The following NEK10 variants were observed in gnomAD, a reference collection of about 807,000 sequenced individuals.
NEK10 encodes the protein NIMA related kinase 10, also known as serine/threonine-protein kinase Nek10.
In NEK10, 122 loss-of-function variants were observed where a neutral mutation model predicts 159.8. That is an observed-to-expected ratio of 0.76 (90% confidence interval 0.66 to 0.89). The LOEUF (loss-of-function observed/expected upper bound fraction) is 0.89. NEK10 is among the 40% of genes least tolerant of loss of function. NEK10 has a pLI of 0.00. For missense variants in NEK10, 1,342 were observed against 1,323.1 expected, an observed-to-expected ratio of 1.01 and a Z score of -0.22; for synonymous variants, 466 against 457.1, an observed-to-expected ratio of 1.02 and a Z score of -0.25.
intron 5 of NEK10, among the ~76,000 whole-genome samples, chr3:27,328,552 C>T (rs2046177871): frequency 6.6e-6 from 1 of 152,098 alleles, no homozygotes; most frequent in Non-Finnish European, 1.5e-5. Context: ...GGGGCTGGAG[C>T]AGAGTGAGCA....
intron 35 of NEK10, 36 bp downstream of exon 35, chr3:27,115,904 C>A (rs752809641): frequency 6.7e-7 from 1 of 1,483,300 alleles, no homozygotes. Context: ...GACCTCAATT[C>A]ATCTTTCACA....
chr3:27,303,177 G>A (rs2043968604), intron 12 of NEK10, among the ~76,000 whole-genome samples: 2 of 152,160 alleles, frequency 1.3e-5, no homozygotes, highest in African/African-American at 4.8e-5. Flanking sequence ...CTGGGGAAAA[G>A]TTTGCTAACA....
intron 23 of NEK10, among the ~76,000 whole-genome samples, chr3:27,243,017 G>A (rs894075778): frequency 2.6e-5 from 4 of 152,056 alleles, no homozygotes; most frequent in African/African-American, 9.7e-5. Context: ...CAGTTTAACA[G>A]TTTATTGTCT....
intron 1 of NEK10, among the ~76,000 whole-genome samples, chr3:27,353,293 T>C (rs753553555): frequency 4.6e-5 from 7 of 152,178 alleles, no homozygotes; most frequent in African/African-American, 1.7e-4. Context: ...ATTAAGTGTG[T>C]TCTATGGGTT....
intron 30 of NEK10, among the ~76,000 whole-genome samples, chr3:27,148,994 T>C (rs376403051): frequency 2.0e-5 from 3 of 152,052 alleles, no homozygotes; most frequent in Non-Finnish European, 1.5e-5. Flanking sequence ...ACACAGTCGT[T>C]TGGCACCTCC....
chr3:27,195,409 T>A (rs999806581), intron 25 of NEK10, among the ~76,000 whole-genome samples: 9 of 152,252 alleles, frequency 5.9e-5, no homozygotes, highest in East Asian at 5.8e-4. Context: ...TGCAATTGCA[T>A]ATAATTCATG....
intron 26 of NEK10, among the ~76,000 whole-genome samples, chr3:27,181,228 T>C (rs1948068061): frequency 6.6e-6 from 1 of 151,180 alleles, no homozygotes; most frequent in Non-Finnish European, 1.5e-5. Context: ...AGCCTACTGC[T>C]TACTAGAAGC....
At chr3:27,195,017 C>T (rs184892373) in intron 25 of NEK10, among the ~76,000 whole-genome samples, 1 of 152,222 alleles carries the variant, frequency 6.6e-6, no homozygotes, top group Admixed American at 6.5e-5. Context: ...TTGTATACCA[C>T]ATGAGCAAAC....
At chr3:27,125,570 G>C (rs1941846416) in intron 32 of NEK10, among the ~76,000 whole-genome samples, 1 of 152,012 alleles carries the variant, frequency 6.6e-6, no homozygotes. Flanking sequence ...CTAACATACA[G>C]CTTCTCCATA....
At chr3:27,344,440 A>G in intron 4 of NEK10, 70 bp from the exon 5 acceptor site, 1 of 743,026 alleles carries the variant, frequency 1.3e-6, no homozygotes, top group Non-Finnish European at 2.4e-6. Context: ...CAGTGCAGAC[A>G]AAGATCATCT....
chr3:27,184,171 AG>A (rs1948395370), intron 26 of NEK10, among the ~76,000 whole-genome samples: 4 of 152,210 alleles, frequency 2.6e-5, no homozygotes, highest in Admixed American at 2.0e-4. Flanking sequence ...CCAAATCTGG[AG>A]AAAACGTAAG....
rs1036552915 is a variant in NEK10, at chr3:27,192,311, C to A, written c.2292-69G>T. ...GAGCAGGCCACAGAGTGTAAAGGGTCAAGGTTAAACTCCACTGTGTGTCCA... is the reference window on the plus strand; with the variant it reads ...GAGCAGGCCACAGAGTGTAAAGGGTAAAGGTTAAACTCCACTGTGTGTCCA... On this transcript the variant is annotated intron_variant, in intron 25 of 35. Transcript: ENST00000691995. The A allele has an allele frequency of 3.6e-6, 4 of 1,106,202 alleles. No homozygotes were observed. The African/African-American group carries it at 6.2e-5, about 17-fold the overall frequency. The allele number at this position is 1,106,202 out of a possible 1,614,324, so 68.5% of individuals were successfully genotyped here.
At chr3:27,162,180 T>C in intron 30 of NEK10, 1 of 395,172 alleles carries the variant, frequency 2.5e-6, no homozygotes, top group East Asian at 4.3e-5. Context: ...TTTGTAGGTA[T>C]GTACTTGAAG....
chr3:27,221,507 A>G (rs1952098360), intron 23 of NEK10, among the ~76,000 whole-genome samples: 1 of 152,252 alleles, frequency 6.6e-6, no homozygotes, highest in African/African-American at 2.4e-5. Context: ...TTCCTGGTAG[A>G]AATGGAAAAT....
intron 3 of NEK10, among the ~76,000 whole-genome samples, chr3:27,349,806 A>T (rs983459323): frequency 6.6e-6 from 1 of 152,084 alleles, no homozygotes; most frequent in Non-Finnish European, 1.5e-5. Flanking sequence ...CTCTTGAGTT[A>T]TTGGGTTTTC....
chr3:27,204,361 A>C (rs1201242151), intron 23 of NEK10, among the ~76,000 whole-genome samples: 1 of 103,094 alleles, frequency 9.7e-6, no homozygotes, highest in East Asian at 2.8e-4. Context: ...CACATTGTGC[A>C]GGTTAGTTAC....
chr3:27,260,989 A>C (rs1416269148), intron 22 of NEK10, among the ~76,000 whole-genome samples: 1 of 151,840 alleles, frequency 6.6e-6, no homozygotes, highest in African/African-American at 2.4e-5. Flanking sequence ...TTTCTTCTAG[A>C]TTTTCTAGTT....
In NEK10 at chr3:27,293,651, C is replaced by A. The variant is rs2149500688; in HGVS notation, c.1310G>T (p.Cys437Phe). 1 of 1,529,670 alleles carries A rather than the reference C, an allele frequency of 6.5e-7. No individual in the cohort carries two copies. The highest frequency in any genetic ancestry group is 9.0e-7 in the Non-Finnish European group (1 of 1,112,724). 94.8% of individuals were successfully genotyped at this position (1,529,670 alleles called of 1,614,324 possible). A position where few individuals can be genotyped will look rare whatever the true frequency, so the allele number is the denominator to read the frequency against. The change falls in exon 16 of 36, where the codon TGT (cysteine) becomes TTT (phenylalanine). Residue 437 changes from cysteine (C) to phenylalanine (F), a missense_variant and splice_region_variant. Physicochemically the swap from Cys to Phe is radical, Grantham distance 205. Transcript: ENST00000691995. ...AAATCTCAAGGCTCTGAAAGCATAACACTAGAAAACAAAAGGATATGTGAT... is the reference window on the plus strand; with the variant it reads ...AAATCTCAAGGCTCTGAAAGCATAAAACTAGAAAACAAAAGGATATGTGAT... Reference protein sequence around the residue: ...KNAAKSNLLQCYAFRALRFLF... With the variant: ...KNAAKSNLLQFYAFRALRFLF...
At chr3:27,121,321 C>A (rs1407479526) in intron 32 of NEK10, among the ~76,000 whole-genome samples, 2 of 152,166 alleles carry the variant, frequency 1.3e-5, no homozygotes, top group Non-Finnish European at 2.9e-5. Context: ...AAGCCAGAAA[C>A]AAAATACATA....
Sources: gnomAD v4.1 joint callset for allele counts (sites outside exome capture counted in the v4.1 genomes callset) on GRCh38, gnomAD v4.1.1 for gene constraint, MANE v1.5 for transcripts, NCBI Gene and HGNC (gene_info 2026-07-23, HGNC 2026-07-21) for gene names.